Variants in COG7 observed in about 807,000 individuals in gnomAD.
The protein encoded by COG7 is component of oligomeric golgi complex 7.
Under a neutral mutation model 91.5 loss-of-function variants are expected in COG7, and 49 were observed. That is an observed-to-expected ratio of 0.54 (90% CI 0.43 to 0.68). COG7 has a LOEUF of 0.68. Ranked by LOEUF, COG7 falls within the 30% of genes least tolerant of loss-of-function variation. COG7 has a pLI of 0.00. For missense variants in COG7, 895 were observed against 961.3 expected (o/e 0.93, Z 0.91); for synonymous variants, 365 against 388.7 (o/e 0.94, Z 0.72).
chr16:23,401,351 G>A (rs1963373768), intron 13 of COG7, among the ~76,000 whole-genome samples: 1 of 152,206 alleles, frequency 6.6e-6, no homozygotes, highest in South Asian at 2.1e-4. Flanking sequence ...CCACGGTGCT[G>A]TGGTGAAGCC....
intron 3 of COG7, among the ~76,000 whole-genome samples, chr16:23,444,420 A>G (rs1050095105): frequency 3.3e-5 from 5 of 151,912 alleles, no homozygotes; most frequent in African/African-American, 4.8e-5. Flanking sequence ...CAAGTCCCCA[A>G]GGTATATAAG....
intron 6 of COG7, among the ~76,000 whole-genome samples, chr16:23,432,097 T>C (rs1963944450): frequency 6.6e-6 from 1 of 151,698 alleles, no homozygotes; most frequent in Non-Finnish European, 1.5e-5. Flanking sequence ...CAGTGAGCCA[T>C]GATCATGCCA....
At chr16:23,438,550 C>A (rs1964048360) in intron 4 of COG7, among the ~76,000 whole-genome samples, 1 of 151,728 alleles carries the variant, frequency 6.6e-6, no homozygotes, top group South Asian at 2.1e-4. Flanking sequence ...AGTGCAAGAC[C>A]CTGTCTCAAA....
chr16:23,449,089 C>T (rs575948399), intron 1 of COG7, among the ~76,000 whole-genome samples: 8 of 152,302 alleles, frequency 5.3e-5, no homozygotes, highest in Middle Eastern at 3.4e-3. Context: ...CACAGCCAGG[C>T]GCAGTGGCTC....
chr16:23,408,889 GGGCTGCATTTTGCAGCCCAGAGA>G (rs1461550107), intron 11 of COG7, among the ~76,000 whole-genome samples: 2 of 151,760 alleles, frequency 1.3e-5, no homozygotes, highest in Non-Finnish European at 2.9e-5. Flanking sequence ...GGGCCTCTCT[GGGCTGCATTTTGCAGCCCAGAGA>G]GGCTGAAAGC....
At chr16:23,422,365 T>A (rs1409019421) in intron 7 of COG7, among the ~76,000 whole-genome samples, 1 of 151,600 alleles carries the variant, frequency 6.6e-6, no homozygotes, top group Non-Finnish European at 1.5e-5. Flanking sequence ...GGAAAACATT[T>A]AATGACATAA....
chr16:23,433,507 C>A lies in COG7; in HGVS notation c.810+38G>T, dbSNP rs192028903. ...GCAGTCACCCGTTCCCTTGTCACCA[C>A]AGACTCTGTTCTCCCTAGAACAAAA... On this transcript the variant is annotated intron_variant, in intron 6 of 16. Transcript: ENST00000307149. 88 of 1,613,578 alleles carry A rather than the reference C, an allele frequency of 5.5e-5. 1 individual carries two copies. In the Admixed American group the frequency reaches 6.3e-4, roughly 12 times the overall value.
chr16:23,406,674 G>C (rs1044246792), intron 11 of COG7, among the ~76,000 whole-genome samples: 1 of 152,196 alleles, frequency 6.6e-6, no homozygotes, highest in Non-Finnish European at 1.5e-5. Context: ...CGCTGGGCAG[G>C]ATAGCAGCTG....
At chr16:23,392,201 T>C (rs1341659596) in intron 16 of COG7, 179 bp downstream of exon 16, 1 of 1,495,088 alleles carries the variant, frequency 6.7e-7, no homozygotes, top group East Asian at 2.5e-5. Context: ...CCGGTCTTGC[T>C]AAGTCAGAAT....
Position 23,449,376 on chromosome 16 carries a change from T to A in COG7, c.170-3415A>T, listed in dbSNP as rs56214952. Among the ~76,000 whole-genome samples, 390 of 80,100 alleles carry A rather than the reference T, an allele frequency of 4.9e-3. 2 individuals are homozygous for A. The highest frequency in any genetic ancestry group is 7.6e-3 in the Non-Finnish European group (277 of 36,554). The allele number at this position is 80,100 out of a possible 152,430, so 52.5% of individuals were successfully genotyped here. On this transcript the variant is annotated intron_variant, in intron 1 of 16. Coordinates refer to ENST00000307149, the MANE Select transcript of COG7 (RefSeq NM_153603.4). The stretch of plus-strand genomic sequence containing the variant: ...AGACTCCATCTCAAAAAAATAAAAT[T>A]AAATTAAAATAAAATAAAATAAAAT...
rs543014904 is a variant in COG7 at position 23,438,949 on chromosome 16, G to A, written c.604+3528C>T. 7.2e-5 allele frequency among the ~76,000 whole-genome samples: 11 copies of A among 151,978 alleles called. No individual in the cohort carries two copies. In the South Asian group the frequency reaches 2.1e-3, roughly 29 times the overall value. ...AAGACGGGCGGATCACTTGAGGCCA[G>A]GAGTTCGAGACCAGCCTGGCCAACA... is the stretch of plus-strand genomic sequence containing the variant. On this transcript the variant is annotated intron_variant, in intron 4 of 16. Transcript: ENST00000307149.
chr16:23,391,944 G>T (rs1330480829), intron 16 of COG7: 1 of 1,069,832 alleles, frequency 9.3e-7, no homozygotes, highest in Non-Finnish European at 1.2e-6. Flanking sequence ...TCGGTATGAT[G>T]GAGAAGAGAG....
At chr16:23,426,826 AAAAAAAAAAAAGAAAG>A (rs1963854420) in intron 6 of COG7, among the ~76,000 whole-genome samples, 1 of 149,144 alleles carries the variant, frequency 6.7e-6, no homozygotes, top group Admixed American at 6.7e-5. Flanking sequence ...GACAAAAAAA[AAAAAAAAAAAAGAAAG>A]AAAGAAAGAA....
chr16:23,389,843 C>G, intron 16 of COG7: 1 of 152,154 alleles, frequency 6.6e-6, no homozygotes. Flanking sequence ...ACAAAGCGAC[C>G]CCGGTGGTTC....
rs113443395 is a variant in COG7, at chr16:23,389,182, G to C, written c.2147-96C>G. On this transcript the variant is annotated intron_variant, in intron 16 of 16. Transcript: ENST00000307149. ...CCTCCCCTGAATACGACACAGAGAA[G>C]CTGCCCTGCCAAGTCCCTAGATGTG... 1.1e-3 allele frequency: 1,605 copies of C among 1,430,622 alleles called. 24 individuals are homozygous for C. In the African/African-American group the frequency reaches 0.02, roughly 18 times the overall value. 88.6% of individuals were successfully genotyped at this position (1,430,622 alleles called of 1,614,324 possible). A position where few individuals can be genotyped will look rare whatever the true frequency, so the allele number is the denominator to read the frequency against.
intron 11 of COG7, among the ~76,000 whole-genome samples, chr16:23,407,316 C>A (rs1418276628): frequency 1.3e-5 from 2 of 152,226 alleles, no homozygotes; most frequent in African/African-American, 2.4e-5. Flanking sequence ...CAAACTGTGG[C>A]CTGTCTCTGC....
intron 10 of COG7, 151 bp downstream of exon 10, chr16:23,413,296 TG>T (rs1332059728): frequency 1.5e-6 from 1 of 685,312 alleles, no homozygotes; most frequent in African/African-American, 1.8e-5. Flanking sequence ...TATTGGTTTG[TG>T]TTTAGAGTCT....
In COG7 at chr16:23,403,701, T is replaced by C. The variant is rs1400430372; in HGVS notation, c.1796A>G (p.Lys599Arg). Residue 599 changes from lysine to arginine, a missense_variant, in exon 13 of 17, where the codon AAG becomes AGG. Lys to Arg is a conservative substitution (Grantham distance 26, BLOSUM62 2). Transcript: ENST00000307149. The part of the protein sequence containing the change: ...RIKQQLLLIS[K>R]MDSWNTAGIG... ...GGTCAGTGAGAAACTCACGTCCATC[T>C]TCGAAATAAGCAACAGCTGTTGTTT... The C allele has an allele frequency of 5.6e-6, 9 of 1,613,996 alleles. No homozygotes were observed. Among genetic ancestry groups the C allele is most frequent in the Non-Finnish European group, 7.6e-6 (9 of 1,179,914 alleles).
chr16:23,388,800 G>T lies in COG7; in HGVS notation c.*120C>A. 1.3e-6 allele frequency: 2 copies of T among 1,550,344 alleles called. No homozygotes were observed. Among genetic ancestry groups the T allele is most frequent in the East Asian group, 2.3e-5 (1 of 43,368 alleles). On this transcript the variant is annotated 3_prime_UTR_variant, in exon 17 of 17. Coordinates refer to ENST00000307149, the MANE Select transcript of COG7 (RefSeq NM_153603.4). ...CAGGCGTGAGCCACCGTGACCAGCT[G>T]AACCAAGTCTTTTTAAAGTAACTTC...
Sources: gnomAD v4.1 joint callset for allele counts (sites outside exome capture counted in the v4.1 genomes callset) on GRCh38, gnomAD v4.1.1 for gene constraint, MANE v1.5 for transcripts, NCBI Gene and HGNC (gene_info 2026-07-23, HGNC 2026-07-21) for gene names.